MYO10: variants seen among roughly 807,000 people sequenced by gnomAD.
The protein encoded by MYO10 is unconventional myosin-X.
A neutral mutation model predicts 257.3 loss-of-function variants in MYO10; 133 were observed. The observed-to-expected ratio is 0.52, with a 90% confidence interval of 0.45 to 0.60. MYO10 has a LOEUF of 0.60. MYO10 is among the 20% of genes least tolerant of loss of function. The probability of loss-of-function intolerance (pLI) is 0.00; values close to 1 mark genes in which losing one functional copy is unlikely to be tolerated. For missense variants in MYO10, 2,399 were observed against 2,635.7 expected (o/e 0.91, Z 1.97); for synonymous variants, 1,104 against 1,028.6 (o/e 1.07, Z -1.40).
intron 19 of MYO10, among the ~76,000 whole-genome samples, chr5:16,717,870 C>T (rs1301922905): frequency 6.6e-6 from 1 of 152,236 alleles, no homozygotes; most frequent in African/African-American, 2.4e-5. Context: ...AGCCCTTCAG[C>T]CCCCTCACTG....
In MYO10 at chr5:16,701,569, G is replaced by C. The variant is rs750246367; in HGVS notation, c.2826C>G (p.Leu942=). The change falls in exon 25 of 41, where the codon CTC becomes CTG. Residue 942 remains leucine (L), a synonymous_variant. Coordinates refer to ENST00000513610, the MANE Select transcript of MYO10 (RefSeq NM_012334.3). This position sits in a 1 kb window ranked among gnomAD's most constrained non-coding sequence, Gnocchi z 8.1. ...CGATCTCGTCGAAATTGAGGGACTC[G>C]AGGAACTCCTGGGCCGCCCTGCACG... ...EEACRAAQEF[L]ESLNFDEIDE... 1 of 1,613,786 alleles carries C rather than the reference G, an allele frequency of 6.2e-7. No individual in the cohort carries two copies. Among genetic ancestry groups the C allele is most frequent in the Non-Finnish European group, 8.5e-7 (1 of 1,179,852 alleles).
chr5:16,689,040 A>T (rs1364126985), intron 28 of MYO10, among the ~76,000 whole-genome samples: 1 of 152,242 alleles, frequency 6.6e-6, no homozygotes, highest in Non-Finnish European at 1.5e-5. Context: ...CAAAAGTTAA[A>T]GCTCCTTAGG....
intron 4 of MYO10, among the ~76,000 whole-genome samples, chr5:16,792,331 A>G (rs1415171574): frequency 6.6e-6 from 1 of 152,156 alleles, no homozygotes; most frequent in African/African-American, 2.4e-5. Context: ...GCACCTGCAG[A>G]TATCATCATA....
chr5:16,868,178 A>G (rs894796034), intron 2 of MYO10, among the ~76,000 whole-genome samples: 10 of 152,264 alleles, frequency 6.6e-5, no homozygotes, highest in African/African-American at 2.2e-4. Context: ...CAATTTTACA[A>G]TGTTCCTAAA....
At chr5:16,716,424 G>A (rs1738875251) in intron 19 of MYO10, among the ~76,000 whole-genome samples, 1 of 151,394 alleles carries the variant, frequency 6.6e-6, no homozygotes, top group African/African-American at 2.4e-5. Context: ...AGACAGAAAT[G>A]CATTTATTTA....
intron 1 of MYO10, among the ~76,000 whole-genome samples, chr5:16,915,103 T>C (rs746205062): frequency 1.3e-4 from 20 of 152,158 alleles, no homozygotes; most frequent in Non-Finnish European, 2.5e-4. Context: ...GAGGTGAGAA[T>C]AGATGATCGC....
intron 1 of MYO10, among the ~76,000 whole-genome samples, chr5:16,888,068 A>G (rs115162937): frequency 0.012 from 1,778 of 152,332 alleles, 30 homozygotes; most frequent in African/African-American, 0.041. Context: ...CTAAAGAATC[A>G]GCCAACATGC....
rs1736670303 is a variant in MYO10 at position 16,675,205 on chromosome 5, G to C, written c.4667-55C>G. On this transcript the variant is annotated intron_variant, in intron 34 of 40. Transcript: ENST00000513610. ...ATCTGAGGGGTTCAGAATAGGGCATGAGCATAATCGGAGCAGTAGTCAAGA... is the reference window on the plus strand; with the variant it reads ...ATCTGAGGGGTTCAGAATAGGGCATCAGCATAATCGGAGCAGTAGTCAAGA... The C allele has an allele frequency of 2.5e-6, 4 of 1,572,406 alleles. No individual in the cohort carries two copies. The Admixed American group carries it at 6.9e-5, about 27-fold the overall frequency.
At chr5:16,675,896 C>T in intron 34 of MYO10, 135 bp downstream of exon 34, 1 of 1,112,366 alleles carries the variant, frequency 9.0e-7, no homozygotes, top group African/African-American at 1.6e-5. Flanking sequence ...AAGTATATTT[C>T]ATCTTTTCCT....
At chr5:16,877,849 A>G (rs1744650620) in intron 1 of MYO10, 142 bp from the exon 2 acceptor site, 1 of 673,436 alleles carries the variant, frequency 1.5e-6, no homozygotes. Context: ...CAAAGAACAA[A>G]TCTTCGCAAA....
chr5:16,781,630 A>T, intron 6 of MYO10, 75 bp downstream of exon 6: 1 of 1,403,832 alleles, frequency 7.1e-7, no homozygotes, highest in Admixed American at 2.3e-5. Flanking sequence ...TTCTTTTTCA[A>T]TCCTTATAAT....
chr5:16,713,142 T>C (rs905108495), intron 19 of MYO10, among the ~76,000 whole-genome samples: 1 of 152,202 alleles, frequency 6.6e-6, no homozygotes, highest in African/African-American at 2.4e-5. Context: ...ATTTAATCAC[T>C]TGATGCGCAA....
At chr5:16,888,798 G>A (rs528874440) in intron 1 of MYO10, among the ~76,000 whole-genome samples, 1 of 151,384 alleles carries the variant, frequency 6.6e-6, no homozygotes, top group East Asian at 1.9e-4. Flanking sequence ...GCTCTAAAAA[G>A]CACAGAGGTA....
chr5:16,929,951 A>G (rs988562596), intron 1 of MYO10, among the ~76,000 whole-genome samples: 1 of 152,234 alleles, frequency 6.6e-6, no homozygotes, highest in East Asian at 1.9e-4. Flanking sequence ...AGTTAGAAGC[A>G]TCTCCCCTTC....
At chr5:16,875,943 T>C (rs1029388148) in intron 2 of MYO10, among the ~76,000 whole-genome samples, 1 of 151,978 alleles carries the variant, frequency 6.6e-6, no homozygotes, top group Non-Finnish European at 1.5e-5. Flanking sequence ...TGAAACCCCA[T>C]CTCTACTAAA....
intron 2 of MYO10, among the ~76,000 whole-genome samples, chr5:16,861,404 A>C (rs1347170983): frequency 6.6e-6 from 1 of 151,930 alleles, no homozygotes; most frequent in Non-Finnish European, 1.5e-5. Context: ...TGTCTCTACA[A>C]AAATAAAAAT....
At chr5:16,802,908 G>A (rs1053069970) in intron 3 of MYO10, among the ~76,000 whole-genome samples, 5 of 150,684 alleles carry the variant, frequency 3.3e-5, no homozygotes, top group Non-Finnish European at 5.9e-5. Flanking sequence ...GTTCAAGACC[G>A]GCCTGGGCAA....
intron 1 of MYO10, chr5:16,916,139 C>T (rs1454942651): frequency 8.8e-6 from 4 of 455,928 alleles, no homozygotes; most frequent in African/African-American, 8.0e-5. Context: ...CCCATCAAGC[C>T]CAGATTTCCA....
chr5:16,765,115 A>G (rs185854898), intron 11 of MYO10, among the ~76,000 whole-genome samples: 79 of 152,302 alleles, frequency 5.2e-4, no homozygotes, highest in Non-Finnish European at 9.4e-4. Context: ...AATTAAAAAC[A>G]TATTAGAGGA....
Sources: allele counts gnomAD v4.1 joint callset (sites outside exome capture counted in the v4.1 genomes callset), GRCh38; gene constraint gnomAD v4.1.1; non-coding constraint Gnocchi (gnomAD v3.1); transcripts MANE v1.5; gene names NCBI Gene and HGNC (gene_info 2026-07-23, HGNC 2026-07-21).